The following TP63 variants were observed in gnomAD, a reference collection of about 807,000 sequenced individuals.
TP63 encodes tumor protein p63, also known as tumor protein 63.
Under a neutral mutation model 82.8 loss-of-function variants are expected in TP63, and 17 were observed. The observed-to-expected ratio is 0.21, with a 90% CI of 0.14 to 0.31. The LOEUF (loss-of-function observed/expected upper bound fraction) is 0.31, where lower values mean the gene tolerates loss of function less well. TP63 is among the 10% of genes least tolerant of loss of function. TP63 has a pLI of 1.00. For synonymous variants in TP63, 330 were observed against 321.7 expected, an observed-to-expected ratio of 1.03 and a Z score of -0.28; for missense variants, 648 against 895.3, an observed-to-expected ratio of 0.72 and a Z score of 3.52.
intron 1 of TP63, among the ~76,000 whole-genome samples, chr3:189,682,553 A>AATATAT (rs1179179631): frequency 2.7e-3 from 28 of 10,338 alleles, no homozygotes; most frequent in African/African-American, 5.8e-3. Flanking sequence ...AAAAAAAAAA[A>AATATAT]ATATATATAT....
intron 3 of TP63, among the ~76,000 whole-genome samples, chr3:189,742,899 T>C (rs1022283139): frequency 2.0e-5 from 3 of 152,212 alleles, no homozygotes; most frequent in African/African-American, 7.2e-5. Context: ...AGGTAATTTT[T>C]TTATTTAGGC....
chr3:189,737,691 G>C, intron 1 of TP63, 49 bp from the exon 2 acceptor site: 1 of 1,592,474 alleles, frequency 6.3e-7, no homozygotes. Context: ...AATATTCAGT[G>C]TCATAAATAC....
rs1383708727 is a variant in TP63, at chr3:189,894,510, C to T, written c.*8C>T. 6.2e-7 allele frequency: 1 copy of T among 1,612,356 alleles called. No homozygotes were observed. The highest frequency in any genetic ancestry group is 8.5e-7 in the Non-Finnish European group (1 of 1,179,994). On this transcript the variant is annotated 3_prime_UTR_variant, in exon 14 of 14. Transcript: ENST00000264731. ...AAAGAGGAGGGGGAGTGAGCCTCAC[C>T]ATGTGAGCTCTTCCTATCCCTCTCC...
At chr3:189,840,745 C>A (rs1054078786) in intron 4 of TP63, among the ~76,000 whole-genome samples, 2 of 151,062 alleles carry the variant, frequency 1.3e-5, no homozygotes, top group Non-Finnish European at 2.9e-5. Flanking sequence ...GTAATCCCAG[C>A]TACTCGGGAG....
chr3:189,629,045 A>T (rs1729378571), upstream of TP63, among the ~76,000 whole-genome samples: 1 of 152,162 alleles, frequency 6.6e-6, no homozygotes, highest in Admixed American at 6.6e-5. Context: ...CGTTTAAATG[A>T]TATTATTTAA....
chr3:189,788,051 T>C (rs1430165625), intron 3 of TP63, among the ~76,000 whole-genome samples: 3 of 151,664 alleles, frequency 2.0e-5, no homozygotes, highest in African/African-American at 7.3e-5. Context: ...TTAGACACAT[T>C]GTACAAAAAA....
chr3:189,621,378 A>G, the TP63 span, among the ~76,000 whole-genome samples: 13 of 152,148 alleles, frequency 8.5e-5, no homozygotes, highest in African/African-American at 3.1e-4. Context: ...TGTAGAAGAC[A>G]TTAGTAAGAA....
chr3:189,640,548 C>A (rs1205891978), intron 1 of TP63, among the ~76,000 whole-genome samples: 1 of 152,126 alleles, frequency 6.6e-6, no homozygotes, highest in Non-Finnish European at 1.5e-5. Context: ...GATGTTCAAT[C>A]ATTTTTTTCT....
At chr3:189,777,769 T>C (rs559709549) in intron 3 of TP63, among the ~76,000 whole-genome samples, 10 of 149,740 alleles carry the variant, frequency 6.7e-5, no homozygotes, top group African/African-American at 2.2e-4. Context: ...TTTTTTTTTC[T>C]TTTAAGTGTA....
chr3:189,618,253 A>G, the TP63 span, among the ~76,000 whole-genome samples: 1 of 152,228 alleles, frequency 6.6e-6, no homozygotes, highest in Non-Finnish European at 1.5e-5. Flanking sequence ...TGAGAAACCC[A>G]GCTACCTCTT....
At chr3:189,722,001 A>G (rs1045580598) in intron 1 of TP63, among the ~76,000 whole-genome samples, 7 of 152,322 alleles carry the variant, frequency 4.6e-5, no homozygotes, top group African/African-American at 1.7e-4. Flanking sequence ...CAACAGCAAG[A>G]AAGTAGAGAA....
chr3:189,699,741 TG>T (rs975218139), intron 1 of TP63, among the ~76,000 whole-genome samples: 6 of 152,294 alleles, frequency 3.9e-5, no homozygotes, highest in Admixed American at 2.6e-4. Flanking sequence ...ATACCATCAC[TG>T]ATTTGATTAA....
chr3:189,666,646 A>G (rs988307161), intron 1 of TP63, among the ~76,000 whole-genome samples: 6 of 152,170 alleles, frequency 3.9e-5, no homozygotes, highest in African/African-American at 1.4e-4. Flanking sequence ...AATAAATAAT[A>G]CAACATTGGT....
At chr3:189,882,018 C>CAAAA (rs5855276) in intron 10 of TP63, among the ~76,000 whole-genome samples, 1 of 139,674 alleles carries the variant, frequency 7.2e-6, no homozygotes, top group African/African-American at 2.6e-5. Context: ...AAGTTCTAAC[C>CAAAA]AAAAAAAAAA....
intron 1 of TP63, among the ~76,000 whole-genome samples, chr3:189,692,755 A>G (rs1011049166): frequency 1.3e-5 from 2 of 152,168 alleles, no homozygotes; most frequent in Non-Finnish European, 2.9e-5. Flanking sequence ...AGATACGGAG[A>G]TGTTGCGAGC....
Position 189,864,249 on chromosome 3 carries a change from G to T in TP63, c.597G>T (p.Lys199Asn). Residue 199 changes from lysine to asparagine, a missense_variant, in exon 5 of 14, where the codon AAG (lysine) becomes AAT (asparagine). Coordinates refer to ENST00000264731, the MANE Select transcript of TP63 (RefSeq NM_003722.5). ...CTAAGCAGTATTCCACTGAACTGAA[G>T]AAACTCTACTGCCAAATTGCAAAGA... is the stretch of plus-strand genomic sequence containing the variant. ...SATWTYSTEL[K>N]KLYCQIAKTC... 1 of 1,614,116 alleles carries T rather than the reference G, an allele frequency of 6.2e-7. No individual in the cohort carries two copies. The highest frequency in any genetic ancestry group is 8.5e-7 in the Non-Finnish European group (1 of 1,180,016).
At chr3:189,891,024 C>A in intron 13 of TP63, 142 bp downstream of exon 13, 1 of 746,962 alleles carries the variant, frequency 1.3e-6, no homozygotes, top group Non-Finnish European at 2.3e-6. Flanking sequence ...GAACCCATAA[C>A]TATGTTAGAA....
In TP63 at chr3:189,691,773, T is replaced by C. The variant is rs1204527434; in HGVS notation, c.63-45967T>C. On this transcript the variant is annotated intron_variant, in intron 1 of 13. Transcript: ENST00000264731. ...AGATGTTTCCTTCTAAAGACCATTC[T>C]CTTTTGTTTTTCTGTTGTTGTCCTT... Among the ~76,000 whole-genome samples, 5 of 152,338 alleles carry C rather than the reference T, an allele frequency of 3.3e-5. No individual in the cohort carries two copies. In the East Asian group the frequency reaches 9.6e-4, roughly 29 times the overall value.
chr3:189,608,344 A>G, the TP63 span, among the ~76,000 whole-genome samples: 1 of 152,174 alleles, frequency 6.6e-6, no homozygotes, highest in African/African-American at 2.4e-5. Flanking sequence ...CCATCCTCCT[A>G]GCTCATCTGT....
Sources: allele counts gnomAD v4.1 joint callset (sites outside exome capture counted in the v4.1 genomes callset), GRCh38; gene constraint gnomAD v4.1.1; transcripts MANE v1.5; gene names NCBI Gene and HGNC (gene_info 2026-07-23, HGNC 2026-07-21).